Variants in ARHGEF10L observed in about 807,000 individuals in gnomAD.
The protein encoded by ARHGEF10L is rho guanine nucleotide exchange factor 10-like protein.
Under a neutral mutation model 141.2 loss-of-function variants are expected in ARHGEF10L, and 69 were observed. The ratio of observed to expected loss-of-function variants is 0.49; its 90% CI spans 0.40 to 0.60. ARHGEF10L has a LOEUF of 0.60. Ranked by LOEUF, ARHGEF10L falls within the 20% of genes least tolerant of loss-of-function variation. ARHGEF10L has a pLI of 0.00. For missense variants in ARHGEF10L, 1,482 were observed against 1,734.3 expected (o/e 0.85, Z 2.58); for synonymous variants, 711 against 718.5 (o/e 0.99, Z 0.17).
In ARHGEF10L at chr1:17,623,175, GGTAA is replaced by G; in HGVS notation, c.1200+3_1200+6del. On this transcript the variant is annotated splice_donor_variant and splice_donor_region_variant and intron_variant, in intron 12 of 28. Coordinates refer to ENST00000361221, the MANE Select transcript of ARHGEF10L (RefSeq NM_018125.4). LOFTEE classifies it high-confidence loss of function. The surrounding 1 kb of genome is among the most constrained non-coding windows in gnomAD (Gnocchi z 4.7). ...AGATCGGGGACCTCTTCGTGGCCTCGGTAAGTGTCCCCAAACTTTTTCCCCAGCC... is the reference window on the plus strand; with the variant it reads ...AGATCGGGGACCTCTTCGTGGCCTCGGTGTCCCCAAACTTTTTCCCCAGCC... 6.2e-7 allele frequency: 1 copy of G among 1,610,934 alleles called. No homozygotes were observed. The highest frequency in any genetic ancestry group is 8.5e-7 in the Non-Finnish European group (1 of 1,178,722).
At chr1:17,524,363 C>CCA in the ARHGEF10L span, among the ~76,000 whole-genome samples, 5 of 87,370 alleles carry the variant, frequency 5.7e-5, no homozygotes, top group Non-Finnish European at 1.2e-4. Flanking sequence ...AACCCCGTCT[C>CCA]TACACACACA....
In ARHGEF10L at chr1:17,639,417, G is replaced by A. The variant is rs989450398; in HGVS notation, c.2171+728G>A. ...GGGATAGAGTGTCACAAGCACAGTG[G>A]CTGCAAGGAAGAGAAGGTTGGAGCA... On this transcript the variant is annotated intron_variant, in intron 20 of 28. Coordinates refer to ENST00000361221, the MANE Select transcript of ARHGEF10L (RefSeq NM_018125.4). This position sits in a 1 kb window ranked among gnomAD's most constrained non-coding sequence, Gnocchi z 4.3. Among the ~76,000 whole-genome samples the A allele has an allele frequency of 5.3e-5, 8 of 152,212 alleles. No homozygotes were observed. The highest frequency in any genetic ancestry group is 1.9e-4 in the African/African-American group (8 of 41,460).
intron 4 of ARHGEF10L, among the ~76,000 whole-genome samples, chr1:17,591,735 A>T (rs1268474751): frequency 6.6e-6 from 1 of 151,710 alleles, no homozygotes; most frequent in Non-Finnish European, 1.5e-5. Flanking sequence ...TTTTGTAGAG[A>T]TGGAGATCTC....
At chr1:17,588,941 G>C (rs2079297812) in intron 4 of ARHGEF10L, among the ~76,000 whole-genome samples, 1 of 149,598 alleles carries the variant, frequency 6.7e-6, no homozygotes, top group Non-Finnish European at 1.5e-5. Context: ...GGGGGGTGCA[G>C]CCCATTGTAA....
intron 4 of ARHGEF10L, among the ~76,000 whole-genome samples, chr1:17,593,789 C>T (rs2079819283): frequency 6.6e-6 from 1 of 151,940 alleles, no homozygotes; most frequent in South Asian, 2.1e-4. Flanking sequence ...GTTACAGCAG[C>T]CATAGGAAAC....
intron 1 of ARHGEF10L, among the ~76,000 whole-genome samples, chr1:17,578,231 G>A (rs914569904): frequency 4.6e-5 from 7 of 152,188 alleles, no homozygotes; most frequent in East Asian, 1.9e-4. Context: ...TTTTGAATGA[G>A]CCCACTGGGA....
chr1:17,555,842 G>A (rs997043953), intron 1 of ARHGEF10L, among the ~76,000 whole-genome samples: 1 of 152,038 alleles, frequency 6.6e-6, no homozygotes, highest in Non-Finnish European at 1.5e-5. Flanking sequence ...TACAGCGGGA[G>A]CCTTCCTGGG....
chr1:17,541,098 G>T (rs368945823), intron 1 of ARHGEF10L, among the ~76,000 whole-genome samples: 15 of 152,178 alleles, frequency 9.9e-5, no homozygotes, highest in East Asian at 7.7e-4. Context: ...GCTTCCTGGG[G>T]TGCCCGAATC....
At chr1:17,565,557 G>T (rs1016871687) in intron 1 of ARHGEF10L, among the ~76,000 whole-genome samples, 1 of 152,182 alleles carries the variant, frequency 6.6e-6, no homozygotes, top group East Asian at 1.9e-4. Flanking sequence ...CAGGTCTCCC[G>T]AAGGGAAGCC....
chr1:17,588,392 T>C, intron 3 of ARHGEF10L, 54 bp from the exon 4 acceptor site: 1 of 1,604,276 alleles, frequency 6.2e-7, no homozygotes, highest in East Asian at 2.2e-5. Context: ...AAGGCCTGAG[T>C]GCCTGGGGCC....
intron 1 of ARHGEF10L, among the ~76,000 whole-genome samples, chr1:17,578,921 CATG>C (rs2078344533): frequency 6.6e-6 from 1 of 152,176 alleles, no homozygotes; most frequent in Non-Finnish European, 1.5e-5. Flanking sequence ...TTGGCCCATG[CATG>C]GGAGAGTTCT....
At chr1:17,690,970 T>C (rs1360202890) in intron 27 of ARHGEF10L, 1 of 305,272 alleles carries the variant, frequency 3.3e-6, no homozygotes, top group Non-Finnish European at 6.4e-6. Context: ...GCATAATTAG[T>C]AATAAATTTG....
At chr1:17,668,566 T>A (rs2063124126) in intron 26 of ARHGEF10L, among the ~76,000 whole-genome samples, 2 of 152,112 alleles carry the variant, frequency 1.3e-5, no homozygotes, top group Admixed American at 6.5e-5. Context: ...AAGAAGGGGA[T>A]CAATATGGCC....
At chr1:17,610,687 G>A (rs2059502337) in intron 7 of ARHGEF10L, among the ~76,000 whole-genome samples, 1 of 152,214 alleles carries the variant, frequency 6.6e-6, no homozygotes, top group Non-Finnish European at 1.5e-5. Flanking sequence ...TGTGTGTGCT[G>A]TGGGCACAAG....
chr1:17,682,576 G>A (rs2064208635), intron 26 of ARHGEF10L, among the ~76,000 whole-genome samples: 1 of 152,186 alleles, frequency 6.6e-6, no homozygotes, highest in Non-Finnish European at 1.5e-5. Flanking sequence ...ACCAAAACTG[G>A]TGCAGGCTGG....
At position 17,696,921 on chromosome 1, in the gene ARHGEF10L, C is replaced by G; in HGVS notation, c.3381C>G (p.Ala1127=). 6.2e-7 allele frequency: 1 copy of G among 1,610,278 alleles called. No homozygotes were observed. Among genetic ancestry groups the G allele is most frequent in the East Asian group, 2.2e-5 (1 of 44,792 alleles). ...TGGCTGTGGCTACCAGCATCCTGGC[C>G]CCTGACATCCTGCGGAGTGACCAGG... ...AFLAVATSIL[A]PDILRSDQEE... The change falls in exon 29 of 29, where the codon GCC becomes GCG. Residue 1127 remains alanine (A), a synonymous_variant. Transcript: ENST00000361221.
At position 17,639,504 on chromosome 1, in the gene ARHGEF10L, G is replaced by A. The variant is rs2061209050; in HGVS notation, c.2172-698G>A. On this transcript the variant is annotated intron_variant, in intron 20 of 28. Coordinates refer to ENST00000361221, the MANE Select transcript of ARHGEF10L (RefSeq NM_018125.4). This position sits in a 1 kb window ranked among gnomAD's most constrained non-coding sequence, Gnocchi z 4.3. ...AGGGGACCATGTGTAGGAGTCAGCA[G>A]CTTTGAATCTGCCGCCTCCCTGTTG... Among the ~76,000 whole-genome samples the A allele has an allele frequency of 6.6e-6, 1 of 151,764 alleles. No individual in the cohort carries two copies. Among genetic ancestry groups the A allele is most frequent in the African/African-American group, 2.4e-5 (1 of 41,308 alleles).
chr1:17,525,580 G>A, the ARHGEF10L span, among the ~76,000 whole-genome samples: 1 of 152,162 alleles, frequency 6.6e-6, no homozygotes, highest in South Asian at 2.1e-4. Flanking sequence ...GATCGCCTGA[G>A]TCCAGAAGTT....
At chr1:17,684,864 T>C (rs1432861843) in intron 26 of ARHGEF10L, among the ~76,000 whole-genome samples, 1 of 152,084 alleles carries the variant, frequency 6.6e-6, no homozygotes, top group African/African-American at 2.4e-5. Context: ...GAGCCTGGCC[T>C]TTCCTGCTAC....
Sources: gnomAD v4.1 joint callset for allele counts (sites outside exome capture counted in the v4.1 genomes callset) on GRCh38, gnomAD v4.1.1 for gene constraint, Gnocchi (gnomAD v3.1) non-coding constraint, MANE v1.5 for transcripts, NCBI Gene and HGNC (gene_info 2026-07-23, HGNC 2026-07-21) for gene names.